The following DRC1 variants were observed in gnomAD, a reference collection of about 807,000 sequenced individuals.
The protein encoded by DRC1 is dynein regulatory complex subunit 1.
DRC1 carries 74 observed loss-of-function variants against 98.7 expected under a neutral mutation model. That is an observed-to-expected ratio of 0.75 (90% confidence interval 0.62 to 0.91). The LOEUF is 0.91. Ranked by LOEUF, DRC1 falls within the 40% of genes least tolerant of loss-of-function variation. The probability of loss-of-function intolerance (pLI) is 0.00; values close to 1 mark genes in which losing one functional copy is unlikely to be tolerated. For missense variants in DRC1, 875 were observed against 886.0 expected, an observed-to-expected ratio of 0.99 and a Z score of 0.16; for synonymous variants, 336 against 334.1, an observed-to-expected ratio of 1.01 and a Z score of -0.06.
At chr2:26,421,514 GCCCTTATAACTTCT>G (rs905627138) in intron 3 of DRC1, 114 bp downstream of exon 3, 30 of 627,292 alleles carry the variant, frequency 4.8e-5, no homozygotes, top group Non-Finnish European at 7.1e-5. Flanking sequence ...TTCCCTTCCT[GCCCTTATAACTTCT>G]CCCTCCCTCC....
At chr2:26,421,137 A>G in intron 2 of DRC1, 151 bp from the exon 3 acceptor site, 5 of 563,086 alleles carry the variant, frequency 8.9e-6, no homozygotes, top group Non-Finnish European at 1.2e-5. Context: ...AAGGGTTGCT[A>G]CACAGAGGCT....
chr2:26,421,511 C>A, intron 3 of DRC1, 111 bp downstream of exon 3: 2 of 688,548 alleles, frequency 2.9e-6, no homozygotes, highest in South Asian at 2.5e-5. Flanking sequence ...CAATTCCCTT[C>A]CTGCCCTTAT....
chr2:26,434,610 C>T (rs747387130), intron 7 of DRC1, among the ~76,000 whole-genome samples: 68 of 152,098 alleles, frequency 4.5e-4, no homozygotes, highest in Non-Finnish European at 7.8e-4. Flanking sequence ...AGCAAGCTAC[C>T]GCCAGGCACG....
intron 7 of DRC1, among the ~76,000 whole-genome samples, chr2:26,439,110 C>G (rs969621693): frequency 1.3e-5 from 2 of 152,144 alleles, no homozygotes; most frequent in African/African-American, 4.8e-5. Flanking sequence ...CATTTCTGAC[C>G]ATTCCTTTCC....
At chr2:26,435,694 G>T (rs1663551321) in intron 7 of DRC1, among the ~76,000 whole-genome samples, 1 of 151,442 alleles carries the variant, frequency 6.6e-6, no homozygotes, top group African/African-American at 2.4e-5. Flanking sequence ...ATGTTAGTTT[G>T]CTTAGGATAA....
chr2:26,402,114 G>A lies in DRC1; in HGVS notation c.125G>A (p.Arg42His). The change falls in exon 1 of 17, where the codon CGC becomes CAC. Residue 42 changes from arginine (R) to histidine (H), a missense_variant. Arg to His is a conservative substitution (Grantham distance 29, BLOSUM62 0). Coordinates refer to ENST00000288710, the MANE Select transcript of DRC1 (RefSeq NM_145038.5). ...GAGCGCATCCAGGCCCGGCGCCTCC[G>A]CATCGCTGCGCGCTTAGAAGCCCGG... ...SQERIQARRLRIAARLEARRR... is the reference protein window; with the variant it reads ...SQERIQARRLHIAARLEARRR... 1.2e-6 allele frequency: 2 copies of A among 1,611,126 alleles called. No individual in the cohort carries two copies. The highest frequency in any genetic ancestry group is 1.7e-6 in the Non-Finnish European group (2 of 1,179,136).
At chr2:26,419,498 A>G (rs915702127) in intron 2 of DRC1, among the ~76,000 whole-genome samples, 6 of 152,196 alleles carry the variant, frequency 3.9e-5, no homozygotes, top group Admixed American at 3.3e-4. Flanking sequence ...TGCACGTAAA[A>G]CCATTTTGTA....
At chr2:26,450,505 G>A (rs1299944744) in intron 12 of DRC1, 87 bp from the exon 13 acceptor site, 5 of 1,226,270 alleles carry the variant, frequency 4.1e-6, no homozygotes, top group East Asian at 2.4e-5. Context: ...CAAGCCTCCC[G>A]CTCTTAGGAG....
chr2:26,440,341 GTGTGTA>G (rs2147998001), intron 7 of DRC1, 31 bp from the exon 8 acceptor site: 5 of 1,540,258 alleles, frequency 3.2e-6, no homozygotes, highest in African/African-American at 1.4e-5. Flanking sequence ...GTGTGTGTGT[GTGTGTA>G]TATATATATA....
At chr2:26,432,575 AAAAAGAAAAG>A (rs1320373102) in intron 7 of DRC1, among the ~76,000 whole-genome samples, 1 of 139,228 alleles carries the variant, frequency 7.2e-6, no homozygotes, top group African/African-American at 2.8e-5. Context: ...GGAAGGAAGG[AAAAAGAAAAG>A]AAAAGGAAAG....
At chr2:26,429,185 G>T (rs13017880) in intron 4 of DRC1, among the ~76,000 whole-genome samples, 2,378 of 30,866 alleles carry the variant, frequency 0.077, 124 homozygotes, top group African/African-American at 0.21. Flanking sequence ...TTGTACAGAT[G>T]ATTATTATTA....
rs78787814 is a variant in DRC1, at chr2:26,423,047, C to T, written c.357-1224C>T. Among the ~76,000 whole-genome samples the T allele has an allele frequency of 4.1e-3, 623 of 152,168 alleles. 5 individuals are homozygous for T. Among genetic ancestry groups the T allele is most frequent in the African/African-American group, 0.015 (607 of 41,520 alleles). On this transcript the variant is annotated intron_variant, in intron 3 of 16. Transcript: ENST00000288710. ...TTCCCTCTTTAGCAACTTTAGCAGC[C>T]CTACCAGTAAACGTGGGTGACTTTT...
chr2:26,427,717 A>T (rs1431532073), intron 4 of DRC1, among the ~76,000 whole-genome samples: 1 of 151,784 alleles, frequency 6.6e-6, no homozygotes, highest in African/African-American at 2.4e-5. Flanking sequence ...TTCCTCCCTG[A>T]CCCTCCACAC....
intron 4 of DRC1, 36 bp from the exon 5 acceptor site, chr2:26,429,592 C>CAGGCCACAGG (rs749595971): frequency 6.2e-7 from 1 of 1,608,194 alleles, no homozygotes; most frequent in South Asian, 1.1e-5. Flanking sequence ...GCTCCTGACA[C>CAGGCCACAGG]AGTTTGTGGC....
chr2:26,428,517 G>T (rs1663342612), intron 4 of DRC1, among the ~76,000 whole-genome samples: 1 of 152,198 alleles, frequency 6.6e-6, no homozygotes, highest in Admixed American at 6.5e-5. Flanking sequence ...ACCATATTAT[G>T]GCCGGGCACG....
chr2:26,403,855 C>T (rs1262637374), intron 1 of DRC1, among the ~76,000 whole-genome samples: 1 of 146,970 alleles, frequency 6.8e-6, no homozygotes, highest in Admixed American at 6.9e-5. Flanking sequence ...AATCCCAAAA[C>T]TTTGGGAGGC....
At chr2:26,443,259 A>T (rs971948964) in intron 8 of DRC1, among the ~76,000 whole-genome samples, 3 of 152,182 alleles carry the variant, frequency 2.0e-5, no homozygotes, top group Non-Finnish European at 4.4e-5. Flanking sequence ...TGAATGGGGC[A>T]CTGATAAGAG....
Position 26,446,334 on chromosome 2 carries a change from C to T in DRC1, c.1396+1386C>T, listed in dbSNP as rs551899808. Among the ~76,000 whole-genome samples, 8 of 151,856 alleles carry T rather than the reference C, an allele frequency of 5.3e-5. No homozygotes were observed. The South Asian group carries it at 1.5e-3, about 28-fold the overall frequency. ...GCTGGTCTCAAATCCTGGGCTCAAG[C>T]GATTCCTTCCCAGAGTGCTGGGATT... On this transcript the variant is annotated intron_variant, in intron 10 of 16. Transcript: ENST00000288710.
In DRC1 at chr2:26,454,450, G is replaced by A. The variant is rs1427403069; in HGVS notation, c.1920-197G>A. Among the ~76,000 whole-genome samples, 4 of 152,152 alleles carry A rather than the reference G, an allele frequency of 2.6e-5. No homozygotes were observed. The highest frequency in any genetic ancestry group is 7.2e-5 in the African/African-American group (3 of 41,418). ...GATGAAGCACGGATTATGCCCTCAC[G>A]AAGGTACCGGTGGTACCGAGGCAGG... On this transcript the variant is annotated intron_variant, in intron 14 of 16. Coordinates refer to ENST00000288710, the MANE Select transcript of DRC1 (RefSeq NM_145038.5). This position sits in a 1 kb window ranked among gnomAD's most constrained non-coding sequence, Gnocchi z 5.2.
Sources: allele counts gnomAD v4.1 joint callset (sites outside exome capture counted in the v4.1 genomes callset), GRCh38; gene constraint gnomAD v4.1.1; non-coding constraint Gnocchi (gnomAD v3.1); transcripts MANE v1.5; gene names NCBI Gene and HGNC (gene_info 2026-07-23, HGNC 2026-07-21).